Variants in TSSK1B observed in about 807,000 individuals in gnomAD.
The protein encoded by TSSK1B is testis-specific serine/threonine-protein kinase 1.
In TSSK1B, 2 loss-of-function variants were observed where a neutral mutation model predicts 4.0. That is an observed-to-expected ratio of 0.50 (90% CI 0.20 to 1.57). The LOEUF is 1.57. TSSK1B is among the 40% of genes most tolerant of loss of function. The pLI is 0.22. For missense variants in TSSK1B, 488 were observed against 495.1 expected (o/e 0.99, Z 0.14); for synonymous variants, 198 against 200.7 (o/e 0.99, Z 0.11).
rs1770730103 is a variant in TSSK1B, at chr5:113,433,460, G to A, written c.*276C>T. The A allele has an allele frequency of 3.3e-6, 2 of 609,536 alleles. No individual in the cohort carries two copies. The highest frequency in any genetic ancestry group is 5.9e-6 in the Non-Finnish European group (2 of 339,206). 37.8% of individuals were successfully genotyped at this position (609,536 alleles called of 1,614,324 possible). ...CCGTTGCGGCCAGTGGGGACCCTCT[G>A]CTGAGACAGGCTCTGTGTCCAGCAC... is the stretch of plus-strand genomic sequence containing the variant. On this transcript the variant is annotated 3_prime_UTR_variant, in exon 1 of 1. Transcript: ENST00000390666.
At position 113,434,075 on chromosome 5, in the gene TSSK1B, G is replaced by A. The variant is rs557720227; in HGVS notation, c.765C>T (p.Pro255=). ...CKDLIYHMLQ[P]DVNRRLHIDE... ...CGATGTGGAGCCGCCGGTTGACGTCGGGCTGCAGCATGTGGTAGATGAGGT... is the reference window on the plus strand; with the variant it reads ...CGATGTGGAGCCGCCGGTTGACGTCAGGCTGCAGCATGTGGTAGATGAGGT... The change falls in exon 1 of 1, where the codon CCC becomes CCT. Residue 255 remains proline (P), a synonymous_variant. Coordinates refer to ENST00000390666, the MANE Select transcript of TSSK1B (RefSeq NM_032028.4). The surrounding 1 kb of genome is among the most constrained non-coding windows in gnomAD (Gnocchi z 4.2). 2.5e-5 allele frequency: 40 copies of A among 1,614,118 alleles called. No homozygotes were observed. The South Asian group carries it at 3.1e-4, about 12-fold the overall frequency.
rs1770798560 is a variant in TSSK1B, at chr5:113,434,819, G to A, written c.21C>T (p.Leu7=). 1.9e-6 allele frequency: 3 copies of A among 1,610,226 alleles called. No individual in the cohort carries two copies. Among genetic ancestry groups the A allele is most frequent in the Non-Finnish European group, 2.5e-6 (3 of 1,177,002 alleles). The change falls in exon 1 of 1, where the codon CTC becomes CTT. Residue 7 remains leucine, a synonymous_variant. Transcript: ENST00000390666. This position sits in a 1 kb window ranked among gnomAD's most constrained non-coding sequence, Gnocchi z 4.2. MDDAAV[L]KRRGYLLGIN... ...TCCCCAGGAGGTAGCCTCGTCGCTT[G>A]AGGACAGCAGCGTCATCCATGGTGC...
rs1227305011 is a variant in TSSK1B, at chr5:113,434,589, C to T, written c.251G>A (p.Gly84Asp). 2 of 1,613,798 alleles carry T rather than the reference C, an allele frequency of 1.2e-6. No homozygotes were observed. Among genetic ancestry groups the T allele is most frequent in the South Asian group, 1.1e-5 (1 of 91,058 alleles). The change falls in exon 1 of 1, where the codon GGC becomes GAC. Residue 84 changes from glycine (G) to aspartate (D), a missense_variant. By Grantham distance (94) the Gly-to-Asp change is moderately conservative. Coordinates refer to ENST00000390666, the MANE Select transcript of TSSK1B (RefSeq NM_032028.4). This position sits in a 1 kb window ranked among gnomAD's most constrained non-coding sequence, Gnocchi z 4.2. ...GAGCTCCATGACGATGTAGACCTTG[C>T]CATGTGATGTCTCAAAGATCTCGTA... Reference protein sequence around the residue: ...KTYEIFETSHGKVYIVMELAV... With the variant: ...KTYEIFETSHDKVYIVMELAV...
chr5:113,434,434 C>T lies in TSSK1B; in HGVS notation c.406G>A (p.Asp136Asn). 3.7e-6 allele frequency: 6 copies of T among 1,613,862 alleles called. No homozygotes were observed. The South Asian group carries it at 6.6e-5, about 18-fold the overall frequency. ...YCHDLDVVHR[D>N]LKCDNLLLDK... Reference sequence around the variant, plus strand: ...AGGAGAAGGTTGTCACACTTGAGGTCCCGGTGGACGACGTCCAGGTCGTGG... The same window carrying T: ...AGGAGAAGGTTGTCACACTTGAGGTTCCGGTGGACGACGTCCAGGTCGTGG... The change falls in exon 1 of 1, where the codon GAC becomes AAC. Residue 136 changes from aspartate to asparagine, a missense_variant. Asp to Asn is a conservative substitution (Grantham distance 23, BLOSUM62 1). Coordinates refer to ENST00000390666, the MANE Select transcript of TSSK1B (RefSeq NM_032028.4). The surrounding 1 kb of genome is among the most constrained non-coding windows in gnomAD (Gnocchi z 4.2).
rs181122652 is a variant in TSSK1B, at chr5:113,433,080, G to A, written c.*656C>T. ...TAATACTGAAAGAAGCACATATGGG[G>A]CACAAGATTTCTAGCACTTTAAAGC... On this transcript the variant is annotated 3_prime_UTR_variant, in exon 1 of 1. Transcript: ENST00000390666. The A allele has an allele frequency of 0.011, 1,693 of 153,356 alleles. 36 individuals carry two copies. Among genetic ancestry groups the A allele is most frequent in the Non-Finnish European group, 0.01 (723 of 68,866 alleles). The allele number at this position is 153,356 out of a possible 1,614,324, so 9.5% of individuals were successfully genotyped here.
chr5:113,434,357 G>A lies in TSSK1B; in HGVS notation c.483C>T (p.Cys161=), dbSNP rs111560230. 144 of 1,613,870 alleles carry A rather than the reference G, an allele frequency of 8.9e-5. 2 individuals carry two copies. The African/African-American group carries it at 1.7e-3, about 19-fold the overall frequency. Residue 161 remains cysteine, a synonymous_variant, in exon 1 of 1, where the codon TGC becomes TGT. Coordinates refer to ENST00000390666, the MANE Select transcript of TSSK1B (RefSeq NM_032028.4). The surrounding 1 kb of genome is among the most constrained non-coding windows in gnomAD (Gnocchi z 4.2). ...CCATTCGACCACTGTCATCCCGCAGGCAGCGCTTGGAGAAGCTGAAGTCGG... is the reference window on the plus strand; with the variant it reads ...CCATTCGACCACTGTCATCCCGCAGACAGCGCTTGGAGAAGCTGAAGTCGG... ...KLSDFSFSKR[C]LRDDSGRMAL... is the part of the protein sequence containing the mutation.
rs17135618 is a variant in TSSK1B at position 113,432,688 on chromosome 5, A to T, written c.*1048T>A. The T allele has an allele frequency of 2.0e-5, 3 of 152,148 alleles. No homozygotes were observed. Among genetic ancestry groups the T allele is most frequent in the Admixed American group, 6.5e-5 (1 of 15,276 alleles). 9.4% of individuals were successfully genotyped at this position (152,148 alleles called of 1,614,324 possible). Reference sequence around the variant, plus strand: ...AGTTCATGCTTTTCACTATTGTTACATTGTTTCCAGTATTAGCTGATTCGT... The same window carrying T: ...AGTTCATGCTTTTCACTATTGTTACTTTGTTTCCAGTATTAGCTGATTCGT... On this transcript the variant is annotated 3_prime_UTR_variant, in exon 1 of 1. Coordinates refer to ENST00000390666, the MANE Select transcript of TSSK1B (RefSeq NM_032028.4).
rs1265709129 is a variant in TSSK1B, at chr5:113,434,591, A to T, written c.249T>A (p.His83Gln). ...IKTYEIFETS[H>Q]GKVYIVMELA... The stretch of plus-strand genomic sequence containing the variant: ...GCTCCATGACGATGTAGACCTTGCC[A>T]TGTGATGTCTCAAAGATCTCGTAGG... The change falls in exon 1 of 1, where the codon CAT becomes CAA. Residue 83 changes from histidine to glutamine, a missense_variant. Physicochemically the swap from His to Gln is conservative, Grantham distance 24 (BLOSUM62 0). Transcript: ENST00000390666. The surrounding 1 kb of genome is among the most constrained non-coding windows in gnomAD (Gnocchi z 4.2). The T allele has an allele frequency of 6.2e-7, 1 of 1,613,832 alleles. No individual in the cohort carries two copies. The highest frequency in any genetic ancestry group is 1.1e-5 in the South Asian group (1 of 91,060).
At position 113,433,940 on chromosome 5, in the gene TSSK1B, G is replaced by C. The variant is rs765421466; in HGVS notation, c.900C>G (p.Pro300=). ...CAGACTTCTTGTCAGAGCCAGGTTC[G>C]GGGGTCCACAAGGGTTCAGTTCCCC... is the stretch of plus-strand genomic sequence containing the variant. ...SSRGTEPLWT[P]EPGSDKKSAT... The change falls in exon 1 of 1, where the codon CCC becomes CCG. Residue 300 remains proline (P), a synonymous_variant. Transcript: ENST00000390666. 6.2e-7 allele frequency: 1 copy of C among 1,613,970 alleles called. No homozygotes were observed. The highest frequency in any genetic ancestry group is 2.2e-5 in the East Asian group (1 of 44,870).
chr5:113,434,386 G>C lies in TSSK1B; in HGVS notation c.454C>G (p.Leu152Val), dbSNP rs367834917. 6.2e-6 allele frequency: 10 copies of C among 1,613,948 alleles called. No homozygotes were observed. The African/African-American group carries it at 1.2e-4, about 19-fold the overall frequency. ...CGCTTGGAGAAGCTGAAGTCGGACAGCTTGATGTTGAAGTCCTTGTCAAGG... is the reference window on the plus strand; with the variant it reads ...CGCTTGGAGAAGCTGAAGTCGGACACCTTGATGTTGAAGTCCTTGTCAAGG... ...LLLDKDFNIK[L>V]SDFSFSKRCL... Residue 152 changes from leucine (L) to valine (V), a missense_variant, in exon 1 of 1, where the codon CTG becomes GTG. Physicochemically the swap from Leu to Val is conservative, Grantham distance 32 (BLOSUM62 1). Coordinates refer to ENST00000390666, the MANE Select transcript of TSSK1B (RefSeq NM_032028.4). This position sits in a 1 kb window ranked among gnomAD's most constrained non-coding sequence, Gnocchi z 4.2.
rs896800905 is a variant in TSSK1B, at chr5:113,433,924, T to C, written c.916A>G (p.Lys306Glu). 6.2e-7 allele frequency: 1 copy of C among 1,614,002 alleles called. No homozygotes were observed. Among genetic ancestry groups the C allele is most frequent in the Non-Finnish European group, 8.5e-7 (1 of 1,179,868 alleles). ...PLWTPEPGSD[K>E]KSATKLEPEG... ...GGCTCCAGCTTGGTGGCAGACTTCT[T>C]GTCAGAGCCAGGTTCGGGGGTCCAC... Residue 306 changes from lysine to glutamate, a missense_variant, in exon 1 of 1, where the codon AAG becomes GAG. Transcript: ENST00000390666.
Position 113,433,783 on chromosome 5 carries a change from T to C in TSSK1B, c.1057A>G (p.Thr353Ala). ...GGCTGTTGGGGGGGCCCTTCCTCTG[T>C]CTCCATAGTCGACGGCTTGCTGGGG... ...GFPSKPSTME[T>A]EEGPPQQPPE... The change falls in exon 1 of 1, where the codon ACA (threonine) becomes GCA (alanine). Residue 353 changes from threonine (T) to alanine (A), a missense_variant. Coordinates refer to ENST00000390666, the MANE Select transcript of TSSK1B (RefSeq NM_032028.4). 6.2e-7 allele frequency: 1 copy of C among 1,613,920 alleles called. No homozygotes were observed. The highest frequency in any genetic ancestry group is 8.5e-7 in the Non-Finnish European group (1 of 1,179,868).
In TSSK1B at chr5:113,432,598, A is replaced by G. The variant is rs745590651; in HGVS notation, c.*1138T>C. ...TTTATAGATAAAGAAACTGAGACAT[A>G]TAGATTAACCAACTTGCCCAAGATC... On this transcript the variant is annotated 3_prime_UTR_variant, in exon 1 of 1. Coordinates refer to ENST00000390666, the MANE Select transcript of TSSK1B (RefSeq NM_032028.4). 1 of 152,214 alleles carries G rather than the reference A, an allele frequency of 6.6e-6. No homozygotes were observed. Among genetic ancestry groups the G allele is most frequent in the Non-Finnish European group, 1.5e-5 (1 of 68,052 alleles). The allele number at this position is 152,214 out of a possible 1,614,324, so 9.4% of individuals were successfully genotyped here. A position where few individuals can be genotyped will look rare whatever the true frequency, so the allele number is the denominator to read the frequency against.
rs753900877 is a variant in TSSK1B at position 113,434,455 on chromosome 5, C to A, written c.385G>T (p.Asp129Tyr). The A allele has an allele frequency of 1.9e-6, 3 of 1,613,286 alleles. No individual in the cohort carries two copies. The highest frequency in any genetic ancestry group is 2.5e-6 in the Non-Finnish European group (3 of 1,179,784). ...QLSLAIKYCH[D>Y]LDVVHRDLKC... ...AGGTCCCGGTGGACGACGTCCAGGT[C>A]GTGGCAGTACTTGATGGCCAAGGAA... The change falls in exon 1 of 1, where the codon GAC becomes TAC. Residue 129 changes from aspartate to tyrosine, a missense_variant. By Grantham distance (160) the Asp-to-Tyr change is radical (BLOSUM62 -3). Transcript: ENST00000390666. This position sits in a 1 kb window ranked among gnomAD's most constrained non-coding sequence, Gnocchi z 4.2.
In TSSK1B at chr5:113,433,692, C is replaced by A; in HGVS notation, c.*44G>T. ...ACCCTTGACTTCTTCAGAGCTTGGG[C>A]TTTAAGCCGTGAGCTCCATCTCATT... On this transcript the variant is annotated 3_prime_UTR_variant, in exon 1 of 1. Coordinates refer to ENST00000390666, the MANE Select transcript of TSSK1B (RefSeq NM_032028.4). The A allele has an allele frequency of 6.4e-7, 1 of 1,574,350 alleles. No individual in the cohort carries two copies. Among genetic ancestry groups the A allele is most frequent in the Non-Finnish European group, 8.6e-7 (1 of 1,159,968 alleles).
At position 113,432,595 on chromosome 5, in the gene TSSK1B, C is replaced by T. The variant is rs1770693002; in HGVS notation, c.*1141G>A. 6.6e-6 allele frequency: 1 copy of T among 152,154 alleles called. No individual in the cohort carries two copies. The allele number at this position is 152,154 out of a possible 1,614,324, so 9.4% of individuals were successfully genotyped here. A position where few individuals can be genotyped will look rare whatever the true frequency, so the allele number is the denominator to read the frequency against. ...CATTTTATAGATAAAGAAACTGAGA[C>T]ATATAGATTAACCAACTTGCCCAAG... On this transcript the variant is annotated 3_prime_UTR_variant, in exon 1 of 1. Coordinates refer to ENST00000390666, the MANE Select transcript of TSSK1B (RefSeq NM_032028.4).
Position 113,434,904 on chromosome 5 carries a change from G to A in TSSK1B, c.-65C>T. The A allele has an allele frequency of 2.0e-6, 3 of 1,538,002 alleles. No individual in the cohort carries two copies. Among genetic ancestry groups the A allele is most frequent in the Non-Finnish European group, 1.8e-6 (2 of 1,141,530 alleles). ...CAGCCCCGAGGCGCATGGGCCAGCA[G>A]TGTGCTCATTTACATCCTGGATAGA... On this transcript the variant is annotated 5_prime_UTR_variant, in exon 1 of 1. Coordinates refer to ENST00000390666, the MANE Select transcript of TSSK1B (RefSeq NM_032028.4). This position sits in a 1 kb window ranked among gnomAD's most constrained non-coding sequence, Gnocchi z 4.2.
rs767857845 is a variant in TSSK1B at position 113,434,723 on chromosome 5, C to G, written c.117G>C (p.Ala39=). ...AYSERLKFNV[A]IKIIDRKKAP... ...CCTTCTTGCGGTCGATGATCTTGAT[C>G]GCCACATTGAACTTCAGGCGCTCAG... Residue 39 remains alanine, a synonymous_variant, in exon 1 of 1, where the codon GCG becomes GCC. Transcript: ENST00000390666. This position sits in a 1 kb window ranked among gnomAD's most constrained non-coding sequence, Gnocchi z 4.2. The G allele has an allele frequency of 1.1e-5, 18 of 1,613,940 alleles. No homozygotes were observed. The African/African-American group carries it at 2.0e-4, about 18-fold the overall frequency.
chr5:113,433,756 G>A lies in TSSK1B; in HGVS notation c.1084C>T (p.Pro362Ser). ...ETEEGPPQQP[P>S]ETRAQ ...GAAGCTCACTGGGCCCGCGTCTCTG[G>A]AGGCTGTTGGGGGGGCCCTTCCTCT... Residue 362 changes from proline (P) to serine (S), a missense_variant, in exon 1 of 1, where the codon CCA becomes TCA. Transcript: ENST00000390666. 6.2e-7 allele frequency: 1 copy of A among 1,613,582 alleles called. No homozygotes were observed. Among genetic ancestry groups the A allele is most frequent in the Non-Finnish European group, 8.5e-7 (1 of 1,179,666 alleles).
Sources: allele counts gnomAD v4.1 joint callset, GRCh38; gene constraint gnomAD v4.1.1; non-coding constraint Gnocchi (gnomAD v3.1); transcripts MANE v1.5; gene names NCBI Gene and HGNC (gene_info 2026-07-23, HGNC 2026-07-21).